The following RNF157 variants were observed in gnomAD, a reference collection of about 807,000 sequenced individuals.
RNF157 encodes the protein ring finger protein 157, also known as E3 ubiquitin ligase RNF157.
A neutral mutation model predicts 88.3 loss-of-function variants in RNF157; 55 were observed. That is an observed-to-expected ratio of 0.62 (90% confidence interval 0.50 to 0.78). The LOEUF (loss-of-function observed/expected upper bound fraction) is 0.78, where lower values mean the gene tolerates loss of function less well. Among genes scored for constraint, RNF157 ranks in the 30% least tolerant of loss-of-function variants. RNF157 has a pLI of 0.00. For missense variants in RNF157, 788 were observed against 860.8 expected, an observed-to-expected ratio of 0.92 and a Z score of 1.06; for synonymous variants, 334 against 341.2, an observed-to-expected ratio of 0.98 and a Z score of 0.23.
intron 14 of RNF157, 146 bp downstream of exon 14, chr17:76,156,064 C>T (rs889167957): frequency 1.4e-5 from 9 of 653,602 alleles, no homozygotes; most frequent in Non-Finnish European, 2.4e-5. Context: ...GAAAGCAAGT[C>T]CTCTTCCCTC....
chr17:76,232,506 A>C (rs1411943413), intron 1 of RNF157, among the ~76,000 whole-genome samples: 1 of 152,202 alleles, frequency 6.6e-6, no homozygotes, highest in Non-Finnish European at 1.5e-5. Flanking sequence ...GCTGATGTAC[A>C]CTTGGATTAT....
chr17:76,194,751 C>T (rs909659159), intron 2 of RNF157, among the ~76,000 whole-genome samples: 5 of 152,270 alleles, frequency 3.3e-5, no homozygotes, highest in South Asian at 2.1e-4. Context: ...CACGGTGGCT[C>T]ACACCTGTAA....
intron 2 of RNF157, among the ~76,000 whole-genome samples, chr17:76,202,122 TCTCTCTCA>T (rs957945412): frequency 3.6e-5 from 5 of 139,688 alleles, no homozygotes; most frequent in African/African-American, 1.5e-4. Flanking sequence ...TCTCTCTCTC[TCTCTCTCA>T]CACACACACA....
chr17:76,227,364 GC>G (rs1409091479), intron 1 of RNF157, among the ~76,000 whole-genome samples: 1 of 151,198 alleles, frequency 6.6e-6, no homozygotes, highest in Non-Finnish European at 1.5e-5. Flanking sequence ...CAGGTGATCC[GC>G]CCACCTCAGC....
At chr17:76,236,367 C>T (rs1016846059) in intron 1 of RNF157, among the ~76,000 whole-genome samples, 2 of 152,196 alleles carry the variant, frequency 1.3e-5, no homozygotes, top group Non-Finnish European at 2.9e-5. Context: ...CTTTTATCAA[C>T]GTGGATACTT....
intron 13 of RNF157, chr17:76,156,557 C>T (rs1273942195): frequency 1.0e-6 from 1 of 983,746 alleles, no homozygotes; most frequent in Admixed American, 6.1e-5. Flanking sequence ...GCCCAGGGCA[C>T]AGCATCTGCT....
At chr17:76,156,946 G>A (rs527375589) in intron 13 of RNF157, among the ~76,000 whole-genome samples, 10 of 151,472 alleles carry the variant, frequency 6.6e-5, no homozygotes, top group Admixed American at 2.0e-4. Flanking sequence ...CTTAGTTCAC[G>A]CAGTCCTTCT....
At chr17:76,226,830 A>G in intron 1 of RNF157, 1 of 1,493,852 alleles carries the variant, frequency 6.7e-7, no homozygotes, top group Non-Finnish European at 9.0e-7. Context: ...GCTGGAATCG[A>G]GTAATGTGCT....
At chr17:76,201,323 CAAAAAA>C (rs780243656) in intron 2 of RNF157, among the ~76,000 whole-genome samples, 7 of 59,660 alleles carry the variant, frequency 1.2e-4, no homozygotes, top group Non-Finnish European at 2.6e-4. Flanking sequence ...CTAGTCTCTA[CAAAAAA>C]AAAAAAAAAA....
Position 76,176,031 on chromosome 17 carries a change from T to A in RNF157, c.208-2241A>T, listed in dbSNP as rs2069097635. 6.6e-6 allele frequency among the ~76,000 whole-genome samples: 1 copy of A among 152,132 alleles called. No homozygotes were observed. The highest frequency in any genetic ancestry group is 6.6e-5 in the Admixed American group (1 of 15,252). On this transcript the variant is annotated intron_variant, in intron 2 of 18. Coordinates refer to ENST00000269391, the MANE Select transcript of RNF157 (RefSeq NM_052916.3). The surrounding 1 kb of genome is among the most constrained non-coding windows in gnomAD (Gnocchi z 4.2). ...ACACGCACAAGACAACAACGGCAAA[T>A]CTGTTCAGGAGAAGCTTGTTCGTGG...
At chr17:76,210,588 C>CAGAAAAAA (rs2069776148) in intron 2 of RNF157, among the ~76,000 whole-genome samples, 1 of 53,538 alleles carries the variant, frequency 1.9e-5, no homozygotes. Flanking sequence ...AGACTCCGTC[C>CAGAAAAAA]AAAAAAAAAA....
At chr17:76,169,079 C>T (rs2068972660) in intron 3 of RNF157, among the ~76,000 whole-genome samples, 3 of 152,256 alleles carry the variant, frequency 2.0e-5, no homozygotes, top group African/African-American at 7.2e-5. Context: ...TTCTTAAATT[C>T]TATGTCACTG....
At chr17:76,212,563 A>T (rs2069820999) in intron 1 of RNF157, 81 bp from the exon 2 acceptor site, 1 of 967,752 alleles carries the variant, frequency 1.0e-6, no homozygotes, top group Admixed American at 2.1e-5. Context: ...GCTGATTTTT[A>T]AAATGTTAAC....
At position 76,145,242 on chromosome 17, in the gene RNF157, G is replaced by A; in HGVS notation, c.2033C>T (p.Ala678Val). 1 of 1,602,058 alleles carries A rather than the reference G, an allele frequency of 6.2e-7. No individual in the cohort carries two copies. The highest frequency in any genetic ancestry group is 8.5e-7 in the Non-Finnish European group (1 of 1,173,486). Residue 678 changes from alanine to valine, a missense_variant, in exon 19 of 19, where the codon GCT (alanine) becomes GTT (valine). Transcript: ENST00000269391. ...ETRPCVWGPL[A>V]V The stretch of plus-strand genomic sequence containing the variant: ...AAGTGCAGAGGCTGGGGCTCAGACA[G>A]CCAAAGGGCCCCACACACAGGGCCT...
In RNF157 at chr17:76,225,597, T is replaced by C. The variant is rs879240688; in HGVS notation, c.89-13115A>G. On this transcript the variant is annotated intron_variant, in intron 1 of 18. Coordinates refer to ENST00000269391, the MANE Select transcript of RNF157 (RefSeq NM_052916.3). ...TGCAAGTTGCTTTCACCTAATATAC[T>C]GTAGGCATCTATGTCTGTATTTATG... Among the ~76,000 whole-genome samples the C allele has an allele frequency of 2.7e-5, 4 of 147,008 alleles. No homozygotes were observed. The Admixed American group carries it at 2.7e-4, about 10-fold the overall frequency.
At chr17:76,202,355 G>C (rs901041250) in intron 2 of RNF157, among the ~76,000 whole-genome samples, 2 of 152,164 alleles carry the variant, frequency 1.3e-5, no homozygotes, top group Admixed American at 6.5e-5. Flanking sequence ...GCTGTTCCTT[G>C]GAGTGTCCTT....
rs2068600529 is a variant in RNF157, at chr17:76,147,359, C to T, written c.1922-2006G>A. On this transcript the variant is annotated intron_variant, in intron 18 of 18. Coordinates refer to ENST00000269391, the MANE Select transcript of RNF157 (RefSeq NM_052916.3). ...CAAATGGTAAACAAGAGAGAAGACACACATGCATGCACAAATAAAAACAGC... is the reference window on the plus strand; with the variant it reads ...CAAATGGTAAACAAGAGAGAAGACATACATGCATGCACAAATAAAAACAGC... 11 of 986,602 alleles carry T rather than the reference C, an allele frequency of 1.1e-5. No homozygotes were observed. In the South Asian group the frequency reaches 3.6e-4, roughly 32 times the overall value. 61.1% of individuals were successfully genotyped at this position (986,602 alleles called of 1,614,324 possible).
chr17:76,194,790 C>T (rs1478940696), intron 2 of RNF157, among the ~76,000 whole-genome samples: 4 of 152,092 alleles, frequency 2.6e-5, no homozygotes, highest in African/African-American at 7.2e-5. Context: ...CCAAGGTGGG[C>T]AGATCACGAG....
chr17:76,174,466 A>G (rs2069072041), intron 2 of RNF157, among the ~76,000 whole-genome samples: 1 of 152,238 alleles, frequency 6.6e-6, no homozygotes, highest in African/African-American at 2.4e-5. Flanking sequence ...ATGATGAGAT[A>G]AAGAAAGGGG....
Sources: gnomAD v4.1 joint callset for allele counts (sites outside exome capture counted in the v4.1 genomes callset) on GRCh38, gnomAD v4.1.1 for gene constraint, Gnocchi (gnomAD v3.1) non-coding constraint, MANE v1.5 for transcripts, NCBI Gene and HGNC (gene_info 2026-07-23, HGNC 2026-07-21) for gene names.